Variants in ITPR1 observed in about 807,000 individuals in gnomAD.
The protein encoded by ITPR1 is inositol 1,4,5-trisphosphate receptor type 1, also known as inositol 1,4,5-trisphosphate-gated calcium channel ITPR1.
A neutral mutation model predicts 318.4 loss-of-function variants in ITPR1; 96 were observed. The observed-to-expected ratio is 0.30, with a 90% CI of 0.26 to 0.36. ITPR1 has a LOEUF of 0.36. Ranked by LOEUF, ITPR1 falls within the 10% of genes least tolerant of loss-of-function variation. ITPR1 has a pLI of 1.00. For missense variants in ITPR1, 2,440 were observed against 3,460.2 expected, an observed-to-expected ratio of 0.71 and a Z score of 7.40; for synonymous variants, 1,312 against 1,289.9, an observed-to-expected ratio of 1.02 and a Z score of -0.37.
At chr3:4,531,760 A>C (rs1295186443) in intron 4 of ITPR1, among the ~76,000 whole-genome samples, 2 of 152,072 alleles carry the variant, frequency 1.3e-5, no homozygotes, top group African/African-American at 4.8e-5. Flanking sequence ...TGGACCCCCC[A>C]GTCTTTCTAA....
intron 22 of ITPR1, 97 bp downstream of exon 22, chr3:4,674,440 G>T: frequency 2.9e-6 from 3 of 1,041,672 alleles, no homozygotes; most frequent in South Asian, 3.7e-5. Flanking sequence ...TTGTGATTTT[G>T]GTCATGATGC....
chr3:4,551,403 G>A (rs1353957175), intron 4 of ITPR1, among the ~76,000 whole-genome samples: 2 of 152,194 alleles, frequency 1.3e-5, no homozygotes, highest in African/African-American at 4.8e-5. Context: ...GTGTCCTTAT[G>A]AAAATACTGT....
At chr3:4,765,033 A>AATGG (rs928764246) in intron 44 of ITPR1, among the ~76,000 whole-genome samples, 5 of 151,504 alleles carry the variant, frequency 3.3e-5, no homozygotes, top group African/African-American at 7.3e-5. Flanking sequence ...TAGATGGATG[A>AATGG]ATGGATGGAT....
intron 4 of ITPR1, among the ~76,000 whole-genome samples, chr3:4,525,902 A>G (rs112008294): frequency 1.4e-4 from 22 of 152,216 alleles, no homozygotes; most frequent in Non-Finnish European, 7.3e-5. Context: ...AAAAGGTGGA[A>G]ACTAACAACC....
At chr3:4,642,716 C>T (rs1449117471) in intron 7 of ITPR1, among the ~76,000 whole-genome samples, 4 of 152,178 alleles carry the variant, frequency 2.6e-5, no homozygotes, top group Non-Finnish European at 4.4e-5. Flanking sequence ...GGCTCCCCGT[C>T]GTGTTCAGCA....
chr3:4,735,290 G>A lies in ITPR1; in HGVS notation c.5480G>A (p.Arg1827Gln). 3.1e-6 allele frequency: 5 copies of A among 1,613,942 alleles called. No individual in the cohort carries two copies. The highest frequency in any genetic ancestry group is 1.3e-5 in the African/African-American group (1 of 75,040). The part of the protein sequence containing the change: ...IDLIMNASSD[R>Q]VFHESILLAI... ...CTCATCATGAACGCATCCAGTGACC[G>A]AGTGTTCCATGAAAGCATTCTCCTG... The change falls in exon 44 of 62, where the codon CGA becomes CAA. Residue 1827 changes from arginine to glutamine, a missense_variant. Coordinates refer to ENST00000649015, the MANE Select transcript of ITPR1 (RefSeq NM_001378452.1).
At chr3:4,683,902 T>A in intron 28 of ITPR1, 104 bp downstream of exon 28, 1 of 1,046,178 alleles carries the variant, frequency 9.6e-7, no homozygotes, top group South Asian at 1.6e-5. Context: ...GGATTTATTT[T>A]CAAGAGATCT....
At chr3:4,549,808 AT>A (rs936242022) in intron 4 of ITPR1, among the ~76,000 whole-genome samples, 1 of 152,102 alleles carries the variant, frequency 6.6e-6, no homozygotes, top group Non-Finnish European at 1.5e-5. Context: ...CTCTTGGGCC[AT>A]TTCTCTGCAT....
intron 4 of ITPR1, among the ~76,000 whole-genome samples, chr3:4,618,618 T>C (rs1049773990): frequency 6.6e-6 from 1 of 152,242 alleles, no homozygotes; most frequent in African/African-American, 2.4e-5. Context: ...TGCATAGCTC[T>C]TTTGTAGCGT....
intron 39 of ITPR1, among the ~76,000 whole-genome samples, chr3:4,716,448 A>G (rs969543257): frequency 2.0e-5 from 3 of 152,216 alleles, no homozygotes; most frequent in African/African-American, 7.2e-5. Flanking sequence ...ATGTAAAAGG[A>G]TATCTTAGAA....
In ITPR1 at chr3:4,778,989, T is replaced by G. The variant is rs560126919; in HGVS notation, c.6292-561T>G. Among the ~76,000 whole-genome samples, 4 of 152,362 alleles carry G rather than the reference T, an allele frequency of 2.6e-5. 1 individual carries two copies. In the South Asian group the frequency reaches 8.3e-4, roughly 32 times the overall value. On this transcript the variant is annotated intron_variant, in intron 48 of 61. Transcript: ENST00000649015. ...TTTAATGTAATGGGAAATTAGGGCT[T>G]GGCCTGCATACATTGTTCCTTTGGG...
intron 19 of ITPR1, among the ~76,000 whole-genome samples, chr3:4,670,426 T>C (rs1478508628): frequency 1.3e-5 from 2 of 152,170 alleles, no homozygotes; most frequent in Non-Finnish European, 2.9e-5. Context: ...CACTGTAAAA[T>C]GTTCAGCAGC....
intron 43 of ITPR1, among the ~76,000 whole-genome samples, chr3:4,733,522 G>A (rs769195398): frequency 3.3e-5 from 5 of 152,088 alleles, no homozygotes; most frequent in South Asian, 4.1e-4. Flanking sequence ...ACTTCGTCCC[G>A]TGGTTGTTAG....
chr3:4,540,071 CA>C (rs774259912), intron 4 of ITPR1, among the ~76,000 whole-genome samples: 1 of 150,078 alleles, frequency 6.7e-6, no homozygotes, highest in South Asian at 2.1e-4. Context: ...CTCACTGTGA[CA>C]GTAGGTGTGC....
At chr3:4,510,474 T>C (rs1005809259) in intron 2 of ITPR1, among the ~76,000 whole-genome samples, 1 of 152,322 alleles carries the variant, frequency 6.6e-6, no homozygotes, top group East Asian at 1.9e-4. Flanking sequence ...GAGACTCAGG[T>C]TAGCAGGGGC....
chr3:4,687,351 TA>T (rs2094411648), intron 30 of ITPR1, among the ~76,000 whole-genome samples: 1 of 152,228 alleles, frequency 6.6e-6, no homozygotes, highest in South Asian at 2.1e-4. Flanking sequence ...TTTTCTCACT[TA>T]ATCTTCATAA....
Position 4,814,544 on chromosome 3 carries a change from C to A in ITPR1, c.7683C>A (p.Leu2561=). Residue 2561 remains leucine, a synonymous_variant, in exon 58 of 62, where the codon CTC becomes CTA. Transcript: ENST00000649015. ...GCGGGGGTGGAGTAGGAGATGTACT[C>A]AGGAAGCCGTCCAAAGAGGTAAATT... ...LRSGGGVGDV[L]RKPSKEEPLF... The A allele has an allele frequency of 1.3e-6, 2 of 1,593,502 alleles. No individual in the cohort carries two copies. Among genetic ancestry groups the A allele is most frequent in the East Asian group, 2.3e-5 (1 of 44,122 alleles).
intron 44 of ITPR1, among the ~76,000 whole-genome samples, chr3:4,737,239 A>G (rs1294900530): frequency 6.6e-6 from 1 of 152,200 alleles, no homozygotes; most frequent in African/African-American, 2.4e-5. Context: ...TCTAACAAGG[A>G]TACGTGGATG....
intron 44 of ITPR1, among the ~76,000 whole-genome samples, chr3:4,755,292 G>A (rs1210551048): frequency 2.0e-5 from 3 of 151,884 alleles, no homozygotes; most frequent in African/African-American, 7.3e-5. Flanking sequence ...TTACCAGATA[G>A]GGCAGAGCTT....
Sources: allele counts gnomAD v4.1 joint callset (sites outside exome capture counted in the v4.1 genomes callset), GRCh38; gene constraint gnomAD v4.1.1; transcripts MANE v1.5; gene names NCBI Gene and HGNC (gene_info 2026-07-23, HGNC 2026-07-21).